The following MAGI1 variants were observed in gnomAD, a reference collection of about 807,000 sequenced individuals.
The protein encoded by MAGI1 is membrane-associated guanylate kinase, WW and PDZ domain-containing protein 1.
Under a neutral mutation model 139.9 loss-of-function variants are expected in MAGI1, and 58 were observed. That is an observed-to-expected ratio of 0.41 (90% CI 0.34 to 0.52). The LOEUF (loss-of-function observed/expected upper bound fraction) is 0.52, where lower values mean the gene tolerates loss of function less well. MAGI1 is among the 20% of genes least tolerant of loss of function. The probability of loss-of-function intolerance (pLI) is 0.12; values close to 1 mark genes in which losing one functional copy is unlikely to be tolerated. For synonymous variants in MAGI1, 812 were observed against 737.9 expected, an observed-to-expected ratio of 1.10 and a Z score of -1.63; for missense variants, 1,874 against 1,901.6, an observed-to-expected ratio of 0.99 and a Z score of 0.27.
chr3:65,451,733 C>T (rs1004776353), intron 6 of MAGI1, among the ~76,000 whole-genome samples: 2 of 152,220 alleles, frequency 1.3e-5, no homozygotes, highest in African/African-American at 2.4e-5. Flanking sequence ...CAGCCTCCTA[C>T]TCTTGGGCTC....
chr3:65,808,082 T>C (rs941535030), intron 1 of MAGI1, among the ~76,000 whole-genome samples: 3 of 151,772 alleles, frequency 2.0e-5, no homozygotes, highest in Non-Finnish European at 4.4e-5. Context: ...GCCTCCCAGA[T>C]TCAAGCAATT....
intron 1 of MAGI1, among the ~76,000 whole-genome samples, chr3:65,836,814 C>A (rs113787956): frequency 1.8e-3 from 267 of 151,988 alleles, no homozygotes; most frequent in African/African-American, 6.2e-3. Context: ...GAGAGAGAGA[C>A]AGAGAGAAAG....
At chr3:65,926,820 C>T (rs997699314) in intron 1 of MAGI1, among the ~76,000 whole-genome samples, 3 of 152,202 alleles carry the variant, frequency 2.0e-5, no homozygotes, top group Admixed American at 2.0e-4. Flanking sequence ...CATGGTGTAA[C>T]CCCCATCTCT....
At chr3:65,929,598 G>C (rs1266974020) in intron 1 of MAGI1, among the ~76,000 whole-genome samples, 1 of 152,104 alleles carries the variant, frequency 6.6e-6, no homozygotes, top group Non-Finnish European at 1.5e-5. Flanking sequence ...CTCCCAAAGT[G>C]CTGGGATTAC....
At chr3:65,734,085 T>C (rs1285510443) in intron 1 of MAGI1, among the ~76,000 whole-genome samples, 1 of 152,196 alleles carries the variant, frequency 6.6e-6, no homozygotes, top group East Asian at 1.9e-4. Flanking sequence ...TCAGTCGATT[T>C]TTCCCATGGC....
intron 1 of MAGI1, among the ~76,000 whole-genome samples, chr3:65,741,881 C>T (rs918497447): frequency 2.6e-5 from 4 of 152,140 alleles, no homozygotes; most frequent in South Asian, 2.1e-4. Flanking sequence ...TTAATCCCCA[C>T]GACCAATTTT....
intron 1 of MAGI1, among the ~76,000 whole-genome samples, chr3:65,988,153 T>C (rs2065978519): frequency 6.6e-6 from 1 of 152,148 alleles, no homozygotes; most frequent in Admixed American, 6.6e-5. Flanking sequence ...GAAAACAAAG[T>C]CAGTAAGTAC....
intron 2 of MAGI1, among the ~76,000 whole-genome samples, chr3:65,604,096 T>A (rs1290248276): frequency 6.6e-6 from 1 of 152,168 alleles, no homozygotes; most frequent in Admixed American, 6.5e-5. Context: ...TAAGATGTAA[T>A]TAATTATAAG....
At chr3:65,777,099 G>T (rs1054993874) in intron 1 of MAGI1, among the ~76,000 whole-genome samples, 2 of 152,170 alleles carry the variant, frequency 1.3e-5, no homozygotes, top group Non-Finnish European at 2.9e-5. Flanking sequence ...CAAGGATAAA[G>T]AATGTATGAA....
At chr3:65,694,995 C>T (rs1301911072) in intron 1 of MAGI1, among the ~76,000 whole-genome samples, 1 of 152,080 alleles carries the variant, frequency 6.6e-6, no homozygotes, top group African/African-American at 2.4e-5. Flanking sequence ...TAAGGCTGCT[C>T]GTGCTCAAGG....
chr3:65,441,470 T>C (rs112333183), intron 8 of MAGI1, among the ~76,000 whole-genome samples: 3 of 152,304 alleles, frequency 2.0e-5, no homozygotes, highest in African/African-American at 7.2e-5. Context: ...TAAGAAATGG[T>C]CTACCATTAA....
intron 1 of MAGI1, among the ~76,000 whole-genome samples, chr3:65,845,654 G>A (rs1338194040): frequency 6.6e-6 from 1 of 152,136 alleles, no homozygotes; most frequent in Non-Finnish European, 1.5e-5. Context: ...CCAATTTCAT[G>A]TCTTTGCTAT....
At chr3:65,570,167 A>G (rs2080889514) in intron 2 of MAGI1, among the ~76,000 whole-genome samples, 2 of 150,810 alleles carry the variant, frequency 1.3e-5, no homozygotes. Flanking sequence ...CAGTGGTGCG[A>G]TCTTGGCTTA....
intron 11 of MAGI1, among the ~76,000 whole-genome samples, 159 bp downstream of exon 11, chr3:65,430,540 T>C (rs561604048): frequency 7.2e-5 from 11 of 152,324 alleles, no homozygotes; most frequent in African/African-American, 2.6e-4. Context: ...TTATGTAATG[T>C]GGAGACCTGG....
chr3:65,734,557 GAA>G (rs2034540064), intron 1 of MAGI1, among the ~76,000 whole-genome samples: 3 of 142,986 alleles, frequency 2.1e-5, no homozygotes, highest in Non-Finnish European at 4.6e-5. Flanking sequence ...AAGAGAGAAA[GAA>G]AGAGAGAGAG....
In MAGI1 at chr3:65,715,530, T is replaced by C. The variant is rs114122403; in HGVS notation, c.314-93442A>G. On this transcript the variant is annotated intron_variant, in intron 1 of 22. Transcript: ENST00000402939. ...TTCATCTTGACTGCAGAAATCAACA[T>C]TGCTTTCCTCTCTGATTACCACTTA... Among the ~76,000 whole-genome samples, 347 of 152,322 alleles carry C rather than the reference T, an allele frequency of 2.3e-3. 3 individuals carry two copies. Among genetic ancestry groups the C allele is most frequent in the African/African-American group, 7.6e-3 (318 of 41,572 alleles).
At chr3:65,691,907 C>T (rs2088698530) in intron 1 of MAGI1, among the ~76,000 whole-genome samples, 1 of 152,114 alleles carries the variant, frequency 6.6e-6, no homozygotes, top group African/African-American at 2.4e-5. Context: ...CTCACAAAAC[C>T]TAAAATCCTG....
At chr3:65,693,422 C>T (rs1333238482) in intron 1 of MAGI1, among the ~76,000 whole-genome samples, 6 of 152,136 alleles carry the variant, frequency 3.9e-5, no homozygotes, top group Non-Finnish European at 7.3e-5. Context: ...CCCATACAAC[C>T]GGGTTCCAAG....
chr3:65,680,795 T>TATGATATGATATG (rs58365928), intron 1 of MAGI1, among the ~76,000 whole-genome samples: 6,218 of 151,224 alleles, frequency 0.041, 465 homozygotes, highest in African/African-American at 0.14. Context: ...TATGATATGA[T>TATGATATGATATG]ATACTTTAAT....
Sources: gnomAD v4.1 joint callset for allele counts (sites outside exome capture counted in the v4.1 genomes callset) on GRCh38, gnomAD v4.1.1 for gene constraint, MANE v1.5 for transcripts, NCBI Gene and HGNC (gene_info 2026-07-23, HGNC 2026-07-21) for gene names.